Variants in CENPC observed in about 807,000 individuals in gnomAD.
CENPC encodes CENP-C 1.
Under a neutral mutation model 112.1 loss-of-function variants are expected in CENPC, and 63 were observed. The ratio of observed to expected loss-of-function variants is 0.56; its 90% CI spans 0.46 to 0.69. The LOEUF (loss-of-function observed/expected upper bound fraction) is 0.69. CENPC is among the 30% of genes least tolerant of loss of function. CENPC has a pLI of 0.00. For missense variants in CENPC, 1,000 were observed against 1,103.8 expected, an observed-to-expected ratio of 0.91 and a Z score of 1.33; for synonymous variants, 333 against 367.6, an observed-to-expected ratio of 0.91 and a Z score of 1.08.
intron 12 of CENPC, among the ~76,000 whole-genome samples, chr4:67,497,235 G>A (rs745845408): frequency 5.3e-5 from 8 of 151,616 alleles, no homozygotes; most frequent in South Asian, 2.1e-4. Context: ...AAAATTAGCC[G>A]GGCATGGTGG....
chr4:67,515,929 T>C lies in CENPC; in HGVS notation c.831-1242A>G, dbSNP rs536692252. ...AACTCTAGACCTTTCTCCATAGTCC[T>C]AGCCCAAACTTTATGTATTTTACTA... On this transcript the variant is annotated intron_variant, in intron 7 of 18. Coordinates refer to ENST00000273853, the MANE Select transcript of CENPC (RefSeq NM_001812.4). 7.6e-4 allele frequency among the ~76,000 whole-genome samples: 115 copies of C among 152,128 alleles called. 1 individual carries two copies. The highest frequency in any genetic ancestry group is 2.6e-3 in the African/African-American group (108 of 41,376).
At chr4:67,511,690 G>A (rs1050306529) in intron 9 of CENPC, among the ~76,000 whole-genome samples, 3 of 151,870 alleles carry the variant, frequency 2.0e-5, no homozygotes, top group African/African-American at 7.2e-5. Flanking sequence ...TTGCTAGATA[G>A]AGAGTACCTA....
At chr4:67,534,002 C>A (rs557924091) in intron 4 of CENPC, among the ~76,000 whole-genome samples, 1 of 152,156 alleles carries the variant, frequency 6.6e-6, no homozygotes, top group African/African-American at 2.4e-5. Context: ...CATGCCACTG[C>A]ACTCCAGCAA....
rs1724622198 is a variant in CENPC at position 67,470,358 on chromosome 4, G to C, written c.*2247C>G. 6.6e-6 allele frequency: 1 copy of C among 152,152 alleles called. No homozygotes were observed. Among genetic ancestry groups the C allele is most frequent in the Admixed American group, 6.5e-5 (1 of 15,280 alleles). 9.4% of individuals were successfully genotyped at this position (152,152 alleles called of 1,614,324 possible). On this transcript the variant is annotated 3_prime_UTR_variant, in exon 19 of 19. Transcript: ENST00000273853. Reference sequence around the variant, plus strand: ...GGCTGAGGTGGGTGGATCACCCTGAGGTCAGGAATTCGAGACAGCCCTGGC... The same window carrying C: ...GGCTGAGGTGGGTGGATCACCCTGACGTCAGGAATTCGAGACAGCCCTGGC...
rs190106842 is a variant in CENPC at position 67,508,672 on chromosome 4, T to A, written c.1904+142A>T. The A allele has an allele frequency of 1.5e-4, 106 of 716,752 alleles. No homozygotes were observed. The African/African-American group carries it at 1.8e-3, about 12-fold the overall frequency. The allele number at this position is 716,752 out of a possible 1,614,324, so 44.4% of individuals were successfully genotyped here. A position where few individuals can be genotyped will look rare whatever the true frequency, so the allele number is the denominator to read the frequency against. ...TGCCTGTGTGTCATCCAGCTAATGGTAGAGGCTGGATTTAATACCAGGTAT... is the reference window on the plus strand; with the variant it reads ...TGCCTGTGTGTCATCCAGCTAATGGAAGAGGCTGGATTTAATACCAGGTAT... On this transcript the variant is annotated intron_variant, in intron 10 of 18. Transcript: ENST00000273853.
intron 12 of CENPC, among the ~76,000 whole-genome samples, chr4:67,497,851 CTATA>C (rs1235756168): frequency 1.3e-5 from 2 of 149,380 alleles, no homozygotes; most frequent in Non-Finnish European, 3.0e-5. Context: ...CTATACTATA[CTATA>C]GTCTATTAAA....
chr4:67,482,614 G>A (rs1192163238), intron 17 of CENPC, among the ~76,000 whole-genome samples: 1 of 152,184 alleles, frequency 6.6e-6, no homozygotes, highest in Non-Finnish European at 1.5e-5. Flanking sequence ...GCATGGAGTT[G>A]GAGACCATCA....
intron 17 of CENPC, among the ~76,000 whole-genome samples, chr4:67,479,527 A>G (rs577471063): frequency 1.4e-4 from 22 of 152,360 alleles, no homozygotes; most frequent in African/African-American, 4.8e-4. Flanking sequence ...GAACTGAACA[A>G]TAATAGTGAC....
At chr4:67,500,604 C>T (rs1346712184) in intron 12 of CENPC, among the ~76,000 whole-genome samples, 1 of 152,054 alleles carries the variant, frequency 6.6e-6, no homozygotes, top group Non-Finnish European at 1.5e-5. Flanking sequence ...ACACAGAGAC[C>T]AGCTGAAAGA....
At chr4:67,480,025 CA>C (rs979574337) in intron 17 of CENPC, among the ~76,000 whole-genome samples, 1 of 152,028 alleles carries the variant, frequency 6.6e-6, no homozygotes, top group African/African-American at 2.4e-5. Context: ...TTGTCAACAA[CA>C]AAAAAAGTCC....
rs769770301 is a variant in CENPC, at chr4:67,514,136, T to A, written c.1382A>T (p.Asn461Ile). 1 of 1,610,494 alleles carries A rather than the reference T, an allele frequency of 6.2e-7. No individual in the cohort carries two copies. Among genetic ancestry groups the A allele is most frequent in the Non-Finnish European group, 8.5e-7 (1 of 1,178,634 alleles). Residue 461 changes from asparagine to isoleucine, a missense_variant, in exon 8 of 19, where the codon AAT becomes ATT. Transcript: ENST00000273853. ...QDEFQRNSDR[N>I]MEEHEEMGND... ...TCCCATCTCTTCATGCTCTTCCATA[T>A]TTCTGTCTGAATTTCTTTGAAATTC...
At chr4:67,482,112 A>G (rs1724973710) in intron 17 of CENPC, among the ~76,000 whole-genome samples, 1 of 152,192 alleles carries the variant, frequency 6.6e-6, no homozygotes, top group South Asian at 2.1e-4. Context: ...TAAGGACATG[A>G]ATAGACAATT....
At chr4:67,543,332 C>T (rs1003229130) in intron 2 of CENPC, among the ~76,000 whole-genome samples, 1 of 152,100 alleles carries the variant, frequency 6.6e-6, no homozygotes, top group Non-Finnish European at 1.5e-5. Flanking sequence ...CTGGAATATA[C>T]TTTATCTTAG....
intron 17 of CENPC, among the ~76,000 whole-genome samples, chr4:67,485,033 C>CA (rs1725057107): frequency 6.6e-6 from 1 of 152,098 alleles, no homozygotes; most frequent in South Asian, 2.1e-4. Context: ...GTGGAGCTTG[C>CA]AGTGAGCTGA....
chr4:67,523,179 G>A (rs898213404), intron 5 of CENPC, among the ~76,000 whole-genome samples: 24 of 152,184 alleles, frequency 1.6e-4, no homozygotes, highest in Middle Eastern at 3.4e-3. Context: ...TGAGCGTGGT[G>A]GCTGCTGCCT....
intron 4 of CENPC, among the ~76,000 whole-genome samples, chr4:67,535,344 T>TA (rs1726685425): frequency 6.7e-6 from 1 of 149,780 alleles, no homozygotes; most frequent in Non-Finnish European, 1.5e-5. Context: ...ATCCAAGAAA[T>TA]AAGAGTTGCA....
At chr4:67,539,346 C>T (rs1269672119) in intron 4 of CENPC, among the ~76,000 whole-genome samples, 5 of 152,082 alleles carry the variant, frequency 3.3e-5, no homozygotes, top group African/African-American at 7.2e-5. Flanking sequence ...TAGTATTGTG[C>T]TTTTGAATAA....
At chr4:67,530,405 G>A (rs532096390) in intron 5 of CENPC, among the ~76,000 whole-genome samples, 28 of 151,340 alleles carry the variant, frequency 1.9e-4, no homozygotes, top group African/African-American at 6.5e-4. Context: ...TACAGGCACA[G>A]ACACATACAA....
chr4:67,513,191 T>C (rs927281791), intron 8 of CENPC, among the ~76,000 whole-genome samples: 7 of 152,038 alleles, frequency 4.6e-5, no homozygotes, highest in African/African-American at 1.4e-4. Flanking sequence ...ACAGACTTCC[T>C]CCCAGAGCTA....
Sources: allele counts gnomAD v4.1 joint callset (sites outside exome capture counted in the v4.1 genomes callset), GRCh38; gene constraint gnomAD v4.1.1; transcripts MANE v1.5; gene names NCBI Gene and HGNC (gene_info 2026-07-23, HGNC 2026-07-21).